The following FKBP9 variants were observed in gnomAD, a reference collection of about 807,000 sequenced individuals.
FKBP9 encodes FKBP prolyl isomerase 9, also known as peptidyl-prolyl cis-trans isomerase FKBP9.
In FKBP9, 27 loss-of-function variants were observed where a neutral mutation model predicts 55.6. The ratio of observed to expected loss-of-function variants is 0.49; its 90% confidence interval spans 0.36 to 0.67. The LOEUF (loss-of-function observed/expected upper bound fraction) is 0.67. Among genes scored for constraint, FKBP9 ranks in the 30% least tolerant of loss-of-function variants. FKBP9 has a pLI of 0.00. For synonymous variants in FKBP9, 267 were observed against 296.5 expected (o/e 0.90, Z 1.02); for missense variants, 539 against 742.8 (o/e 0.73, Z 3.19).
intron 7 of FKBP9, among the ~76,000 whole-genome samples, chr7:32,996,835 C>T (rs1179378301): frequency 7.8e-5 from 10 of 127,886 alleles, no homozygotes; most frequent in South Asian, 2.6e-4. Flanking sequence ...TCGCCCAGGC[C>T]GGACTGCGGA....
At position 32,957,705 on chromosome 7, in the gene FKBP9, C is replaced by T; in HGVS notation, c.132C>T (p.Pro44=). The T allele has an allele frequency of 6.5e-7, 1 of 1,542,510 alleles. No homozygotes were observed. The highest frequency in any genetic ancestry group is 2.6e-5 in the East Asian group (1 of 38,210). ...TGCAGATCGAGCGGCGCTTCGTGCC[C>T]GACGAGTGCCCGCGCACCGTGCGCA... ...AELQIERRFV[P]DECPRTVRSG... Residue 44 remains proline, a synonymous_variant, in exon 1 of 10, where the codon CCC becomes CCT. Coordinates refer to ENST00000242209, the MANE Select transcript of FKBP9 (RefSeq NM_007270.5).
intron 6 of FKBP9, among the ~76,000 whole-genome samples, chr7:32,995,736 T>C (rs1784771396): frequency 6.6e-6 from 1 of 152,166 alleles, no homozygotes; most frequent in South Asian, 2.1e-4. Context: ...TGGTAGGACA[T>C]TGGAGTGATT....
At chr7:32,993,363 C>T (rs1290961722) in intron 6 of FKBP9, among the ~76,000 whole-genome samples, 2 of 152,156 alleles carry the variant, frequency 1.3e-5, no homozygotes, top group African/African-American at 2.4e-5. Flanking sequence ...CAATAACTCC[C>T]GATTCCTCCC....
chr7:32,965,810 A>ATATATATAT (rs1456275208), intron 1 of FKBP9, among the ~76,000 whole-genome samples: 1 of 37,514 alleles, frequency 2.7e-5, no homozygotes, highest in Non-Finnish European at 4.6e-5. Context: ...AAAAAAAAAA[A>ATATATATAT]AAATATATAT....
intron 1 of FKBP9, among the ~76,000 whole-genome samples, chr7:32,965,566 C>T (rs1486160322): frequency 1.3e-5 from 2 of 151,238 alleles, no homozygotes; most frequent in African/African-American, 4.9e-5. Flanking sequence ...TTTGGGAGGC[C>T]GAGGCAGGTG....
chr7:32,960,955 A>G (rs1178032165), intron 1 of FKBP9, among the ~76,000 whole-genome samples: 3 of 152,250 alleles, frequency 2.0e-5, no homozygotes, highest in African/African-American at 4.8e-5. Flanking sequence ...CCTCATTACA[A>G]ATGAATAAAC....
At chr7:32,973,906 G>T (rs557586029) in intron 1 of FKBP9, among the ~76,000 whole-genome samples, 2 of 148,900 alleles carry the variant, frequency 1.3e-5, no homozygotes, top group East Asian at 2.0e-4. Flanking sequence ...TGGCCAGGCT[G>T]GTTTCAAACT....
intron 5 of FKBP9, among the ~76,000 whole-genome samples, chr7:32,984,885 G>A (rs1213624259): frequency 1.3e-5 from 2 of 152,116 alleles, no homozygotes; most frequent in South Asian, 2.1e-4. Flanking sequence ...ATTCTTATAT[G>A]TACTTTTGAG....
intron 1 of FKBP9, chr7:32,963,475 A>C (rs1784066381): frequency 1.9e-6 from 1 of 519,550 alleles, no homozygotes; most frequent in South Asian, 4.8e-5. Flanking sequence ...GTGTAAGTAG[A>C]AATTCTAGAG....
At chr7:32,977,703 G>GT (rs1258389853) in intron 4 of FKBP9, among the ~76,000 whole-genome samples, 3 of 151,282 alleles carry the variant, frequency 2.0e-5, no homozygotes, top group Non-Finnish European at 4.4e-5. Context: ...TGTTTTCAAC[G>GT]TTTTTTCCTG....
At chr7:32,993,435 C>A (rs1416936945) in intron 6 of FKBP9, among the ~76,000 whole-genome samples, 1 of 152,212 alleles carries the variant, frequency 6.6e-6, no homozygotes, top group Non-Finnish European at 1.5e-5. Flanking sequence ...ATTCTAAGTG[C>A]CTCACTTGAG....
intron 6 of FKBP9, chr7:32,992,685 G>T (rs1019136837): frequency 1.0e-5 from 2 of 197,596 alleles, no homozygotes; most frequent in Non-Finnish European, 2.1e-5. Flanking sequence ...GGGTAGGTGG[G>T]GTCTATGGTT....
At chr7:32,969,956 C>A (rs1192573954) in intron 1 of FKBP9, among the ~76,000 whole-genome samples, 1 of 151,852 alleles carries the variant, frequency 6.6e-6, no homozygotes, top group Non-Finnish European at 1.5e-5. Context: ...GCCGAGATTG[C>A]ACCACTGCAC....
At chr7:32,972,205 C>G (rs1434634000) in intron 1 of FKBP9, among the ~76,000 whole-genome samples, 3 of 151,994 alleles carry the variant, frequency 2.0e-5, no homozygotes, top group Non-Finnish European at 4.4e-5. Flanking sequence ...GATTGGGGCC[C>G]CGGAGGTAGA....
In FKBP9 at chr7:33,005,870, A is replaced by T. The variant is rs1785028859; in HGVS notation, c.*519A>T. On this transcript the variant is annotated 3_prime_UTR_variant, in exon 10 of 10. Coordinates refer to ENST00000242209, the MANE Select transcript of FKBP9 (RefSeq NM_007270.5). ...TGGCTCTTCCCAGCAGCCTGTGCAA[A>T]TTCTGATGATGGCCCCACCCCCGCA... The T allele has an allele frequency of 4.3e-6, 1 of 233,118 alleles. No individual in the cohort carries two copies. The highest frequency in any genetic ancestry group is 1.8e-4 in the South Asian group (1 of 5,602). The allele number at this position is 233,118 out of a possible 1,614,324, so 14.4% of individuals were successfully genotyped here.
chr7:32,997,167 T>G (rs1439239925), intron 7 of FKBP9, among the ~76,000 whole-genome samples: 2 of 151,976 alleles, frequency 1.3e-5, no homozygotes, highest in Non-Finnish European at 2.9e-5. Context: ...CCTTCCAGGT[T>G]CAAGTGATCC....
At chr7:32,978,949 A>C (rs1450121930) in intron 4 of FKBP9, among the ~76,000 whole-genome samples, 1 of 152,180 alleles carries the variant, frequency 6.6e-6, no homozygotes, top group Non-Finnish European at 1.5e-5. Context: ...AACATTATTC[A>C]TTTAGTACAC....
In FKBP9 at chr7:32,990,615, C is replaced by T. The variant is rs577728083; in HGVS notation, c.1039+1963C>T. Reference sequence around the variant, plus strand: ...ACGGACAAACATGGGATTGTCTATGCGTATTACTTTGTGATTTCTCTCTTC... The same window carrying T: ...ACGGACAAACATGGGATTGTCTATGTGTATTACTTTGTGATTTCTCTCTTC... On this transcript the variant is annotated intron_variant, in intron 6 of 9. Transcript: ENST00000242209. Among the ~76,000 whole-genome samples, 5 of 152,266 alleles carry T rather than the reference C, an allele frequency of 3.3e-5. No individual in the cohort carries two copies. The South Asian group carries it at 6.2e-4, about 19-fold the overall frequency.
intron 6 of FKBP9, among the ~76,000 whole-genome samples, chr7:32,991,721 G>T (rs1784687340): frequency 6.6e-6 from 1 of 152,066 alleles, no homozygotes; most frequent in African/African-American, 2.4e-5. Context: ...TGTTCCATGG[G>T]TCAGCCCTGA....
Sources: gnomAD v4.1 joint callset for allele counts (sites outside exome capture counted in the v4.1 genomes callset) on GRCh38, gnomAD v4.1.1 for gene constraint, MANE v1.5 for transcripts, NCBI Gene and HGNC (gene_info 2026-07-23, HGNC 2026-07-21) for gene names.